The following AREL1 variants were observed in gnomAD, a reference collection of about 807,000 sequenced individuals.
AREL1 encodes the protein apoptosis resistant E3 ubiquitin protein ligase 1, also known as apoptosis-resistant E3 ubiquitin protein ligase 1.
Under a neutral mutation model 99.0 loss-of-function variants are expected in AREL1, and 62 were observed. That is an observed-to-expected ratio of 0.63 (90% confidence interval 0.51 to 0.77). AREL1 has a LOEUF of 0.77. Ranked by LOEUF, AREL1 falls within the 30% of genes least tolerant of loss-of-function variation. AREL1 has a pLI of 0.00. For missense variants in AREL1, 879 were observed against 1,027.6 expected, an observed-to-expected ratio of 0.86 and a Z score of 1.98; for synonymous variants, 380 against 376.5, an observed-to-expected ratio of 1.01 and a Z score of -0.11.
chr14:74,684,491 G>A lies in AREL1; in HGVS notation c.206C>T (p.Pro69Leu), dbSNP rs766565239. Reference sequence around the variant, plus strand: ...GGCCATGCTGTGGCCCACCTCATAGGGGTCCTTCCAATCCCAGGAGACTTT... The same window carrying A: ...GGCCATGCTGTGGCCCACCTCATAGAGGTCCTTCCAATCCCAGGAGACTTT... ...SCKVSWDWKDPYEVGHSMAFR... is the reference protein window; with the variant it reads ...SCKVSWDWKDLYEVGHSMAFR... Residue 69 changes from proline (P) to leucine (L), a missense_variant, in exon 4 of 20, where the codon CCC (proline) becomes CTC (leucine). By Grantham distance (98) the Pro-to-Leu change is moderately conservative. Transcript: ENST00000356357. 2.5e-6 allele frequency: 4 copies of A among 1,614,132 alleles called. No individual in the cohort carries two copies. Among genetic ancestry groups the A allele is most frequent in the South Asian group, 2.2e-5 (2 of 91,068 alleles).
rs1366259533 is a variant in AREL1, at chr14:74,672,943, TCAGAGCCTC to T, written c.1301_1309del (p.Gly434_Ser436del). ...AAAGTTCACCTTGTCCTGAAAGGTCTCAGAGCCTCCTGGGGAACAGCAAGATCCATCATT... is the reference window on the plus strand; with the variant it reads ...AAAGTTCACCTTGTCCTGAAAGGTCTCTGGGGAACAGCAAGATCCATCATT... On this transcript the variant is annotated inframe_deletion and splice_region_variant, in exon 11 of 20. Coordinates refer to ENST00000356357, the MANE Select transcript of AREL1 (RefSeq NM_001039479.2). The T allele has an allele frequency of 6.2e-7, 1 of 1,614,080 alleles. No individual in the cohort carries two copies. The highest frequency in any genetic ancestry group is 8.5e-7 in the Non-Finnish European group (1 of 1,180,036).
At chr14:74,674,617 T>A (rs73301911) in intron 8 of AREL1, among the ~76,000 whole-genome samples, 2,630 of 151,794 alleles carry the variant, frequency 0.017, 73 homozygotes, top group African/African-American at 0.061. Context: ...ATAAAATAAA[T>A]AAAAAAAATA....
Position 74,676,858 on chromosome 14 carries a change from G to A in AREL1, c.482-106C>T, listed in dbSNP as rs548435897. 84 of 891,814 alleles carry A rather than the reference G, an allele frequency of 9.4e-5. No individual in the cohort carries two copies. The South Asian group carries it at 1.4e-3, about 15-fold the overall frequency. The allele number at this position is 891,814 out of a possible 1,614,324, so 55.2% of individuals were successfully genotyped here. A position where few individuals can be genotyped will look rare whatever the true frequency, so the allele number is the denominator to read the frequency against. Reference sequence around the variant, plus strand: ...TTCGCCCAGGCTGGAGTGCAGTGGCGCAATCTCGGCTCACTGCAAGCTCTG... The same window carrying A: ...TTCGCCCAGGCTGGAGTGCAGTGGCACAATCTCGGCTCACTGCAAGCTCTG... On this transcript the variant is annotated intron_variant, in intron 5 of 19. Coordinates refer to ENST00000356357, the MANE Select transcript of AREL1 (RefSeq NM_001039479.2).
At chr14:74,708,740 T>C (rs2090229327) in intron 1 of AREL1, among the ~76,000 whole-genome samples, 1 of 152,234 alleles carries the variant, frequency 6.6e-6, no homozygotes, top group Non-Finnish European at 1.5e-5. Flanking sequence ...TGATGCAAAT[T>C]GCTCAACTAT....
chr14:74,711,871 A>C (rs1358355308), intron 1 of AREL1: 1 of 151,988 alleles, frequency 6.6e-6, no homozygotes, highest in East Asian at 1.9e-4. Flanking sequence ...GTTAAACAAT[A>C]AACGTGTTTT....
intron 14 of AREL1, 49 bp downstream of exon 14, chr14:74,669,898 G>A (rs374246822): frequency 7.0e-6 from 11 of 1,581,384 alleles, no homozygotes; most frequent in Non-Finnish European, 9.5e-6. Context: ...AGAGATTTCA[G>A]GGTTAATGGC....
In AREL1 at chr14:74,684,623, A is replaced by G; in HGVS notation, c.74T>C (p.Leu25Pro). The G allele has an allele frequency of 6.2e-7, 1 of 1,614,188 alleles. No homozygotes were observed. Among genetic ancestry groups the G allele is most frequent in the African/African-American group, 1.3e-5 (1 of 75,042 alleles). Residue 25 changes from leucine to proline, a missense_variant, in exon 4 of 20, where the codon CTT becomes CCT. Transcript: ENST00000356357. ...GAGGAAGCTGACTACACGTGCGGCA[A>G]GCTCAAAGAGGAACTTAATTGTGAA... ...FFFTIKFLFELAARVVSFLQN... is the reference protein window; with the variant it reads ...FFFTIKFLFEPAARVVSFLQN...
intron 1 of AREL1, among the ~76,000 whole-genome samples, chr14:74,702,222 C>G (rs951859029): frequency 4.6e-5 from 7 of 152,182 alleles, no homozygotes; most frequent in Non-Finnish European, 1.5e-5. Context: ...CCCACATTTC[C>G]CCCCAACATT....
rs34523027 is a variant in AREL1 at position 74,676,614 on chromosome 14, T to A, written c.620A>T (p.Asp207Val). The A allele has an allele frequency of 1.4e-4, 226 of 1,613,798 alleles. 1 individual carries two copies. In the Admixed American group the frequency reaches 2.0e-3, roughly 14 times the overall value. The change falls in exon 6 of 20, where the codon GAT (aspartate) becomes GTT (valine). Residue 207 changes from aspartate to valine, a missense_variant. Transcript: ENST00000356357. The part of the protein sequence containing the change: ...NPTNNSMSLR[D>V]EHNYTLSIHE... ...AATGGACAAGGTGTAATTGTGCTCATCTCTCAAGGACATGGAATTGTTGGT... is the reference window on the plus strand; with the variant it reads ...AATGGACAAGGTGTAATTGTGCTCAACTCTCAAGGACATGGAATTGTTGGT...
intron 9 of AREL1, 75 bp from the exon 10 acceptor site, chr14:74,673,293 T>C (rs557514301): frequency 2.1e-6 from 3 of 1,456,274 alleles, no homozygotes; most frequent in African/African-American, 1.4e-5. Context: ...CTCTATCCTG[T>C]GTACCAACCA....
intron 2 of AREL1, among the ~76,000 whole-genome samples, chr14:74,688,002 C>T (rs2139932425): frequency 6.9e-6 from 1 of 144,900 alleles, no homozygotes; most frequent in South Asian, 2.2e-4. Flanking sequence ...ATTCGTCCAA[C>T]AAATACTGAG....
Position 74,662,181 on chromosome 14 carries a change from A to C in AREL1, c.*1539T>G, listed in dbSNP as rs1236053434. The C allele has an allele frequency of 1.8e-5, 3 of 165,050 alleles. No homozygotes were observed. The highest frequency in any genetic ancestry group is 4.8e-5 in the African/African-American group (2 of 41,968). 10.2% of individuals were successfully genotyped at this position (165,050 alleles called of 1,614,324 possible). On this transcript the variant is annotated 3_prime_UTR_variant, in exon 20 of 20. Coordinates refer to ENST00000356357, the MANE Select transcript of AREL1 (RefSeq NM_001039479.2). The stretch of plus-strand genomic sequence containing the variant: ...ATGTGCCAAGAAAGGACAAATGATG[A>C]CTGCGAAAGACTGAGGTCAGGCAGG...
At chr14:74,669,568 C>T (rs2089283389) in intron 15 of AREL1, 81 bp downstream of exon 15, 1 of 1,509,610 alleles carries the variant, frequency 6.6e-7, no homozygotes, top group Non-Finnish European at 8.9e-7. Context: ...ATTTCCACCA[C>T]TGCAGAAAGT....
intron 17 of AREL1, among the ~76,000 whole-genome samples, chr14:74,666,240 G>A (rs904663177): frequency 2.6e-5 from 4 of 152,134 alleles, no homozygotes; most frequent in African/African-American, 7.2e-5. Context: ...CTAAAGAAAC[G>A]TTTGCAGAAA....
intron 2 of AREL1, among the ~76,000 whole-genome samples, chr14:74,690,264 CAAAAAA>C (rs5809676): frequency 1.4e-5 from 1 of 73,122 alleles, no homozygotes; most frequent in African/African-American, 6.0e-5. Context: ...ACCCTGTCTC[CAAAAAA>C]AAAAAAAAAA....
chr14:74,676,569 G>A lies in AREL1; in HGVS notation c.651+14C>T. The A allele has an allele frequency of 6.2e-7, 1 of 1,609,534 alleles. No individual in the cohort carries two copies. The highest frequency in any genetic ancestry group is 1.3e-5 in the African/African-American group (1 of 74,672). On this transcript the variant is annotated intron_variant, in intron 6 of 19. Coordinates refer to ENST00000356357, the MANE Select transcript of AREL1 (RefSeq NM_001039479.2). ...CTCTCTCTAGCACACAGATAAAGAA[G>A]GGAGACTGCTTACCTCATGAATGGA...
At chr14:74,675,666 G>A in intron 8 of AREL1, 33 bp downstream of exon 8, 1 of 1,604,424 alleles carries the variant, frequency 6.2e-7, no homozygotes, top group Non-Finnish European at 8.5e-7. Flanking sequence ...GGTTCAAGCA[G>A]GGGGATTTTA....
At position 74,662,637 on chromosome 14, in the gene AREL1, A is replaced by C. The variant is rs765140628; in HGVS notation, c.*1083T>G. ...GGTTGGCAGGTGTTTACTGTGTAAC[A>C]TATCACCTCCATGTTCATCCCTAGT... is the stretch of plus-strand genomic sequence containing the variant. On this transcript the variant is annotated 3_prime_UTR_variant, in exon 20 of 20. Transcript: ENST00000356357. 7.5e-6 allele frequency: 3 copies of C among 398,482 alleles called. No homozygotes were observed. The highest frequency in any genetic ancestry group is 6.3e-4 in the Middle Eastern group (1 of 1,588). 24.7% of individuals were successfully genotyped at this position (398,482 alleles called of 1,614,324 possible).
chr14:74,683,327 T>A lies in AREL1; in HGVS notation c.450A>T (p.Ala150=). 6.2e-7 allele frequency: 1 copy of A among 1,614,126 alleles called. No homozygotes were observed. Among genetic ancestry groups the A allele is most frequent in the Non-Finnish European group, 8.5e-7 (1 of 1,179,984 alleles). Residue 150 remains alanine, a synonymous_variant, in exon 5 of 20, where the codon GCA becomes GCT. Transcript: ENST00000356357. ...GAAAAATTTTGTAGTAGGGACTATA[T>A]GCCACATTTAATCCACCAAGCTTCA... is the stretch of plus-strand genomic sequence containing the variant. ...ITVKLGGLNV[A]YSPYYKIFQP...
Sources: gnomAD v4.1 joint callset for allele counts (sites outside exome capture counted in the v4.1 genomes callset) on GRCh38, gnomAD v4.1.1 for gene constraint, MANE v1.5 for transcripts, NCBI Gene and HGNC (gene_info 2026-07-23, HGNC 2026-07-21) for gene names.